DNAH6: variants seen among roughly 807,000 people sequenced by gnomAD.
DNAH6 encodes the protein dynein axonemal heavy chain 6, also known as axonemal beta dynein heavy chain 6.
In DNAH6, 340 loss-of-function variants were observed where a neutral mutation model predicts 491.4. The observed-to-expected ratio is 0.69, with a 90% CI of 0.63 to 0.76. The LOEUF (loss-of-function observed/expected upper bound fraction) is 0.76, where lower values mean the gene tolerates loss of function less well. Ranked by LOEUF, DNAH6 falls within the 30% of genes least tolerant of loss-of-function variation. The pLI, the probability that DNAH6 is intolerant of heterozygous loss-of-function variation, is 0.00. For missense variants in DNAH6, 4,443 were observed against 4,972.2 expected (o/e 0.89, Z 3.20); for synonymous variants, 1,603 against 1,686.1 (o/e 0.95, Z 1.21).
Position 84,812,491 on chromosome 2 carries a change from G to A in DNAH6, c.11890G>A (p.Val3964Ile). 1.3e-6 allele frequency: 2 copies of A among 1,551,598 alleles called. No individual in the cohort carries two copies. Among genetic ancestry groups the A allele is most frequent in the South Asian group, 1.2e-5 (1 of 84,026 alleles). Reference sequence around the variant, plus strand: ...ATCCCTGAAGCCACTAGGATCATGGGTCAAAGACCTTATCCTGAGGACCTC... The same window carrying A: ...ATCCCTGAAGCCACTAGGATCATGGATCAAAGACCTTATCCTGAGGACCTC... Reference protein sequence around the residue: ...YPSLKPLGSWVKDLILRTSFV... With the variant: ...YPSLKPLGSWIKDLILRTSFV... The change falls in exon 73 of 77, where the codon GTC becomes ATC. Residue 3964 changes from valine to isoleucine, a missense_variant. Physicochemically the swap from Val to Ile is conservative, Grantham distance 29. Coordinates refer to ENST00000389394, the MANE Select transcript of DNAH6 (RefSeq NM_001370.2).
chr2:84,773,538 G>C (rs1675839042), intron 64 of DNAH6, among the ~76,000 whole-genome samples: 1 of 152,018 alleles, frequency 6.6e-6, no homozygotes, highest in South Asian at 2.1e-4. Flanking sequence ...GCAAGTGCAT[G>C]TGTCTTCTTA....
intron 11 of DNAH6, among the ~76,000 whole-genome samples, chr2:84,563,748 A>G (rs1321711066): frequency 6.6e-6 from 1 of 152,106 alleles, no homozygotes; most frequent in Non-Finnish European, 1.5e-5. Context: ...TTTTGCAAAC[A>G]ACCAACAATT....
intron 8 of DNAH6, 96 bp downstream of exon 8, chr2:84,548,513 T>A: frequency 7.4e-7 from 1 of 1,349,314 alleles, no homozygotes. Flanking sequence ...TTAATTTGCA[T>A]AACTGAAGTA....
chr2:84,517,420 C>A (rs76595372), intron 1 of DNAH6, among the ~76,000 whole-genome samples: 2 of 152,098 alleles, frequency 1.3e-5, no homozygotes. Context: ...TTTCAGACTG[C>A]GTGTACTAGA....
At position 84,815,919 on chromosome 2, in the gene DNAH6, G is replaced by A; in HGVS notation, c.12209G>A (p.Trp4070Ter). The A allele has an allele frequency of 6.4e-7, 1 of 1,551,804 alleles. No individual in the cohort carries two copies. Among genetic ancestry groups the A allele is most frequent in the Non-Finnish European group, 8.7e-7 (1 of 1,147,040 alleles). ...GGGATGTTCATGGATGCTTCTCGATGGGATGATAAGGAGATGGTGATAGAA... is the reference window on the plus strand; with the variant it reads ...GGGATGTTCATGGATGCTTCTCGATAGGATGATAAGGAGATGGTGATAGAA... ...VHGMFMDASR[W>*]DDKEMVIEDA... Residue 4070 changes from tryptophan to a stop codon, truncating the protein, a stop_gained, in exon 76 of 77, where the codon TGG (tryptophan) becomes TAG (stop). Coordinates refer to ENST00000389394, the MANE Select transcript of DNAH6 (RefSeq NM_001370.2). LOFTEE classifies it high-confidence loss of function.
chr2:84,593,846 C>G, intron 16 of DNAH6, 126 bp from the exon 17 acceptor site: 1 of 333,916 alleles, frequency 3.0e-6, no homozygotes. Context: ...TGCTCCTTTT[C>G]TTAATCCATT....
At chr2:84,687,261 A>G (rs552854972) in intron 44 of DNAH6, among the ~76,000 whole-genome samples, 27 of 152,262 alleles carry the variant, frequency 1.8e-4, no homozygotes, top group African/African-American at 6.5e-4. Context: ...GCAGATAGCC[A>G]TGTTGTTTTA....
At chr2:84,573,306 G>A (rs751277994) in intron 11 of DNAH6, among the ~76,000 whole-genome samples, 161 bp from the exon 12 acceptor site, 12 of 151,922 alleles carry the variant, frequency 7.9e-5, no homozygotes, top group Non-Finnish European at 1.2e-4. Context: ...ATTACTCCTC[G>A]ACATCAAGAA....
chr2:84,478,556 A>T, the DNAH6 span, among the ~76,000 whole-genome samples: 1 of 152,174 alleles, frequency 6.6e-6, no homozygotes, highest in Admixed American at 6.5e-5. Flanking sequence ...TCTCCTCCAG[A>T]AGAAATGGAT....
intron 26 of DNAH6, among the ~76,000 whole-genome samples, chr2:84,622,162 T>C (rs1339470840): frequency 6.6e-6 from 1 of 152,212 alleles, no homozygotes; most frequent in Non-Finnish European, 1.5e-5. Context: ...TTAACTATTT[T>C]AGATACGTCA....
At chr2:84,762,223 A>T (rs181135564) in intron 63 of DNAH6, among the ~76,000 whole-genome samples, 17 of 152,232 alleles carry the variant, frequency 1.1e-4, no homozygotes, top group Admixed American at 1.0e-3. Context: ...AGAAAGGGAG[A>T]CAATAAATGG....
chr2:84,731,142 A>G (rs1370841586), intron 61 of DNAH6, among the ~76,000 whole-genome samples: 1 of 152,330 alleles, frequency 6.6e-6, no homozygotes, highest in African/African-American at 2.4e-5. Flanking sequence ...CTTTGAACCT[A>G]GACCCACTCC....
At chr2:84,679,338 T>C (rs1033352846) in intron 41 of DNAH6, among the ~76,000 whole-genome samples, 1 of 152,170 alleles carries the variant, frequency 6.6e-6, no homozygotes, top group Non-Finnish European at 1.5e-5. Flanking sequence ...ATATGTACAT[T>C]ATAAGTGACT....
intron 29 of DNAH6, among the ~76,000 whole-genome samples, chr2:84,627,999 A>G (rs896177537): frequency 3.3e-5 from 5 of 152,192 alleles, no homozygotes; most frequent in African/African-American, 1.2e-4. Context: ...TAGGGCAGCC[A>G]ACTCCTTGGC....
chr2:84,552,415 G>A (rs560657430), intron 9 of DNAH6, among the ~76,000 whole-genome samples: 7 of 152,244 alleles, frequency 4.6e-5, no homozygotes, highest in Non-Finnish European at 5.9e-5. Flanking sequence ...TGCAAATGTC[G>A]TTACTGAATA....
chr2:84,672,811 G>A (rs932546837), intron 40 of DNAH6, among the ~76,000 whole-genome samples: 1 of 152,076 alleles, frequency 6.6e-6, no homozygotes, highest in Non-Finnish European at 1.5e-5. Context: ...TCTTTATTTG[G>A]ACTATCTCCA....
the DNAH6 span, among the ~76,000 whole-genome samples, chr2:84,504,476 T>C: frequency 6.6e-6 from 1 of 152,160 alleles, no homozygotes; most frequent in East Asian, 1.9e-4. Context: ...TACGTGTTCT[T>C]CAGTGTCTGG....
rs193207990 is a variant in DNAH6, at chr2:84,606,267, G to A, written c.3174+675G>A. ...AAAATAGCTTTTCCAGGTGTAGGTTGGAAGAGAAAGACCAGACATCACTCT... is the reference window on the plus strand; with the variant it reads ...AAAATAGCTTTTCCAGGTGTAGGTTAGAAGAGAAAGACCAGACATCACTCT... On this transcript the variant is annotated intron_variant, in intron 20 of 76. Transcript: ENST00000389394. Among the ~76,000 whole-genome samples, 22 of 152,268 alleles carry A rather than the reference G, an allele frequency of 1.4e-4. No homozygotes were observed. The East Asian group carries it at 3.5e-3, about 24-fold the overall frequency.
intron 10 of DNAH6, among the ~76,000 whole-genome samples, chr2:84,554,436 A>G (rs771696652): frequency 5.3e-5 from 8 of 152,224 alleles, no homozygotes; most frequent in Non-Finnish European, 1.2e-4. Flanking sequence ...GCATAGGTGC[A>G]TAGGTTAGTA....
Sources: gnomAD v4.1 joint callset for allele counts (sites outside exome capture counted in the v4.1 genomes callset) on GRCh38, gnomAD v4.1.1 for gene constraint, MANE v1.5 for transcripts, NCBI Gene and HGNC (gene_info 2026-07-23, HGNC 2026-07-21) for gene names.